Variants in DMC1 observed in about 807,000 individuals in gnomAD.
DMC1 encodes meiotic recombination protein DMC1 homolog.
A neutral mutation model predicts 50.1 loss-of-function variants in DMC1; 27 were observed. The ratio of observed to expected loss-of-function variants is 0.54; its 90% confidence interval spans 0.40 to 0.74. The LOEUF (loss-of-function observed/expected upper bound fraction) is 0.74, where lower values mean the gene tolerates loss of function less well. Among genes scored for constraint, DMC1 ranks in the 30% least tolerant of loss-of-function variants. The pLI, the probability that DMC1 is intolerant of heterozygous loss-of-function variation, is 0.00. For synonymous variants in DMC1, 148 were observed against 136.1 expected, an observed-to-expected ratio of 1.09 and a Z score of -0.61; for missense variants, 295 against 420.2, an observed-to-expected ratio of 0.70 and a Z score of 2.60.
At chr22:38,515,987 C>T (rs2089974306), downstream of DMC1, among the ~76,000 whole-genome samples, 1 of 152,088 alleles carries the variant, frequency 6.6e-6, no homozygotes, top group African/African-American at 2.4e-5. Flanking sequence ...TTTGAGTGCT[C>T]CTCTCCCCTA....
intron 6 of DMC1, 140 bp from the exon 7 acceptor site, chr22:38,552,847 G>T: frequency 1.5e-6 from 1 of 658,796 alleles, no homozygotes. Context: ...TATCTCGGAT[G>T]TTATTTTTTA....
At chr22:38,566,842 A>G in intron 3 of DMC1, 106 bp from the exon 4 acceptor site, 7 of 1,176,614 alleles carry the variant, frequency 5.9e-6, no homozygotes, top group Non-Finnish European at 8.7e-6. Context: ...CATGATGCCA[A>G]TTTTATACAA....
At chr22:38,545,932 AAAG>A (rs2090339117) in intron 8 of DMC1, 3 of 152,254 alleles carry the variant, frequency 2.0e-5, no homozygotes, top group African/African-American at 7.2e-5. Context: ...AAACATATAA[AAAG>A]AAAACTATCA....
chr22:38,569,045 G>T (rs1369447802), intron 1 of DMC1, among the ~76,000 whole-genome samples: 1 of 151,950 alleles, frequency 6.6e-6, no homozygotes, highest in Non-Finnish European at 1.5e-5. Flanking sequence ...TTAGCCGGGC[G>T]TGGTGGTGGG....
At chr22:38,553,739 G>A (rs2090438993) in intron 6 of DMC1, among the ~76,000 whole-genome samples, 2 of 150,964 alleles carry the variant, frequency 1.3e-5, no homozygotes, top group Admixed American at 1.3e-4. Context: ...CGGGCAGGCT[G>A]CATGAGCTCA....
the DMC1 span, among the ~76,000 whole-genome samples, chr22:38,509,565 A>G: frequency 1.3e-5 from 2 of 152,090 alleles, no homozygotes; most frequent in Non-Finnish European, 2.9e-5. Context: ...ATCAATGTAC[A>G]TTGTCGGGGT....
intron 12 of DMC1, among the ~76,000 whole-genome samples, chr22:38,532,162 AATT>A (rs1327496100): frequency 6.6e-6 from 1 of 152,130 alleles, no homozygotes; most frequent in Non-Finnish European, 1.5e-5. Flanking sequence ...TTCAGTTTAA[AATT>A]ATTCTCTTTG....
chr22:38,565,939 A>G (rs765660808), intron 4 of DMC1, among the ~76,000 whole-genome samples: 8 of 152,194 alleles, frequency 5.3e-5, no homozygotes, highest in Non-Finnish European at 1.0e-4. Context: ...CATAGGTATG[A>G]TATTTGAGGA....
intron 8 of DMC1, among the ~76,000 whole-genome samples, chr22:38,540,104 T>A (rs936603047): frequency 2.6e-5 from 4 of 152,198 alleles, no homozygotes; most frequent in Non-Finnish European, 4.4e-5. Flanking sequence ...GTATATACAG[T>A]TTAAAATCTA....
chr22:38,513,664 G>A, the DMC1 span, among the ~76,000 whole-genome samples: 1 of 151,918 alleles, frequency 6.6e-6, no homozygotes, highest in Non-Finnish European at 1.5e-5. Flanking sequence ...TGCAACCTCC[G>A]ACTATCCGGT....
At chr22:38,520,937 C>T (rs930275392) in intron 13 of DMC1, among the ~76,000 whole-genome samples, 18 of 148,510 alleles carry the variant, frequency 1.2e-4, no homozygotes, top group African/African-American at 3.0e-4. Flanking sequence ...AGTGCAGTGG[C>T]GCGATCTCGG....
the DMC1 span, among the ~76,000 whole-genome samples, chr22:38,512,539 C>T: frequency 3.3e-5 from 5 of 152,122 alleles, no homozygotes; most frequent in Admixed American, 3.3e-4. Flanking sequence ...TATATTCAGT[C>T]AAGTAAAATC....
chr22:38,546,710 G>A (rs2090348064), intron 8 of DMC1, among the ~76,000 whole-genome samples: 1 of 152,150 alleles, frequency 6.6e-6, no homozygotes, highest in African/African-American at 2.4e-5. Flanking sequence ...TGAGTAATTA[G>A]GGAAGATTAG....
At chr22:38,539,905 T>C (rs1303411689) in intron 8 of DMC1, among the ~76,000 whole-genome samples, 1 of 152,184 alleles carries the variant, frequency 6.6e-6, no homozygotes, top group African/African-American at 2.4e-5. Context: ...TAATTCACTC[T>C]CTTCATACCC....
chr22:38,566,566 C>T lies in DMC1; in HGVS notation c.243+24G>A, dbSNP rs748793938. Reference sequence around the variant, plus strand: ...TTCACAAGGCCCTGCCAAGCTAAAACAGCAAAGAATGGATTTTGCTTACAA... The same window carrying T: ...TTCACAAGGCCCTGCCAAGCTAAAATAGCAAAGAATGGATTTTGCTTACAA... On this transcript the variant is annotated intron_variant, in intron 4 of 13. Transcript: ENST00000216024. 11 of 1,613,860 alleles carry T rather than the reference C, an allele frequency of 6.8e-6. No individual in the cohort carries two copies. In the South Asian group the frequency reaches 1.2e-4, roughly 18 times the overall value.
chr22:38,515,485 A>G (rs2145741728), downstream of DMC1, among the ~76,000 whole-genome samples: 1 of 150,530 alleles, frequency 6.6e-6, no homozygotes, highest in African/African-American at 2.4e-5. Flanking sequence ...TCAAAAAAAA[A>G]AAAAAAGAAA....
At chr22:38,553,690 G>A (rs1191224002) in intron 6 of DMC1, among the ~76,000 whole-genome samples, 2 of 151,772 alleles carry the variant, frequency 1.3e-5, no homozygotes, top group Non-Finnish European at 2.9e-5. Context: ...TGGGCATGGT[G>A]GCTCATGCCT....
chr22:38,552,887 A>AT (rs1376251622), intron 6 of DMC1, among the ~76,000 whole-genome samples, 180 bp from the exon 7 acceptor site: 1 of 151,342 alleles, frequency 6.6e-6, no homozygotes. Context: ...TCTTGCTCTC[A>AT]CTCAGGCTGG....
At chr22:38,512,982 G>A in the DMC1 span, among the ~76,000 whole-genome samples, 2 of 152,058 alleles carry the variant, frequency 1.3e-5, no homozygotes, top group African/African-American at 4.8e-5. Context: ...TACTCGGGAG[G>A]CTGAGACAGG....
Sources: allele counts gnomAD v4.1 joint callset (sites outside exome capture counted in the v4.1 genomes callset), GRCh38; gene constraint gnomAD v4.1.1; transcripts MANE v1.5; gene names NCBI Gene and HGNC (gene_info 2026-07-23, HGNC 2026-07-21).